Variants in SLC9A8 observed in about 807,000 individuals in gnomAD.
The protein encoded by SLC9A8 is sodium/hydrogen exchanger 8.
Under a neutral mutation model 66.6 loss-of-function variants are expected in SLC9A8, and 48 were observed. The ratio of observed to expected loss-of-function variants is 0.72; its 90% CI spans 0.57 to 0.92. SLC9A8 has a LOEUF of 0.92. SLC9A8 is among the 40% of genes least tolerant of loss of function. The pLI, the probability that SLC9A8 is intolerant of heterozygous loss-of-function variation, is 0.00. For synonymous variants in SLC9A8, 274 were observed against 282.6 expected (o/e 0.97, Z 0.31); for missense variants, 599 against 747.3 (o/e 0.80, Z 2.31).
chr20:49,823,055 C>T lies in SLC9A8; in HGVS notation c.209-6C>T, dbSNP rs2086799053. The T allele has an allele frequency of 1.9e-6, 3 of 1,586,036 alleles. No individual in the cohort carries two copies. Among genetic ancestry groups the T allele is most frequent in the African/African-American group, 2.7e-5 (2 of 73,556 alleles). ...TTAAAACATTGTATTATTTTTTTTTCCACAGCTATCTGCATCATATTGGTG... is the reference window on the plus strand; with the variant it reads ...TTAAAACATTGTATTATTTTTTTTTTCACAGCTATCTGCATCATATTGGTG... On this transcript the variant is annotated splice_polypyrimidine_tract_variant and splice_region_variant and intron_variant, in intron 2 of 15. Transcript: ENST00000361573.
chr20:49,819,802 G>A (rs1045746805), intron 2 of SLC9A8, among the ~76,000 whole-genome samples: 4 of 151,958 alleles, frequency 2.6e-5, no homozygotes, highest in Non-Finnish European at 4.4e-5. Flanking sequence ...TATAATACGT[G>A]GCCTTTTGTG....
At chr20:49,832,676 G>GGAA (rs2087256058) in intron 3 of SLC9A8, among the ~76,000 whole-genome samples, 4 of 152,108 alleles carry the variant, frequency 2.6e-5, no homozygotes, top group Admixed American at 1.3e-4. Flanking sequence ...GGGAGGGCAG[G>GGAA]GAAGATGCCT....
intron 14 of SLC9A8, among the ~76,000 whole-genome samples, chr20:49,884,885 T>A (rs991423690): frequency 6.6e-6 from 1 of 152,216 alleles, no homozygotes; most frequent in African/African-American, 2.4e-5. Context: ...TGCTGTAGGC[T>A]CCAGCCCAGA....
chr20:49,883,359 T>A (rs959285123), intron 13 of SLC9A8, among the ~76,000 whole-genome samples: 2 of 152,048 alleles, frequency 1.3e-5, no homozygotes, highest in African/African-American at 4.8e-5. Flanking sequence ...GTTGTGGGTA[T>A]TAGTTGAGTG....
chr20:49,886,929 G>A lies in SLC9A8; in HGVS notation c.1638+31G>A, dbSNP rs772983533. The A allele has an allele frequency of 6.3e-7, 1 of 1,598,138 alleles. No homozygotes were observed. On this transcript the variant is annotated intron_variant, in intron 15 of 15. Coordinates refer to ENST00000361573, the MANE Select transcript of SLC9A8 (RefSeq NM_015266.3). The surrounding 1 kb of genome is among the most constrained non-coding windows in gnomAD (Gnocchi z 4.8). ...ATACCGGCCAGGCCACACTTTCTGG[G>A]GGTCCCTTGCCTGCCTCCTTCAGGA...
chr20:49,849,070 T>C (rs948541266), intron 5 of SLC9A8, among the ~76,000 whole-genome samples: 11 of 152,134 alleles, frequency 7.2e-5, no homozygotes, highest in African/African-American at 2.4e-4. Context: ...TGAAATGTCC[T>C]GAGATCTTGG....
chr20:49,842,190 C>T (rs2087797336), intron 4 of SLC9A8, among the ~76,000 whole-genome samples: 1 of 151,876 alleles, frequency 6.6e-6, no homozygotes, highest in Non-Finnish European at 1.5e-5. Flanking sequence ...CTGCCTCAAC[C>T]TCCTGAGTAG....
In SLC9A8 at chr20:49,839,567, A is replaced by C. The variant is rs776542653; in HGVS notation, c.316A>C (p.Ile106Leu). ...LGILMGAVIK[I>L]IEFKKLANWK... ...TATTCTCATGGGAGCAGTTATAAAA[A>C]TTATAGAGTTTAAAAAACTGGCGAA... Residue 106 changes from isoleucine (I) to leucine (L), a missense_variant, in exon 4 of 16, where the codon ATT becomes CTT. Coordinates refer to ENST00000361573, the MANE Select transcript of SLC9A8 (RefSeq NM_015266.3). 5.6e-6 allele frequency: 9 copies of C among 1,600,434 alleles called. No homozygotes were observed. In the Admixed American group the frequency reaches 8.4e-5, roughly 15 times the overall value.
chr20:49,884,227 C>CACACACGCGCG, intron 14 of SLC9A8, 161 bp downstream of exon 14: 1 of 209,210 alleles, frequency 4.8e-6, no homozygotes, highest in South Asian at 4.1e-5. Context: ...CACACACACA[C>CACACACGCGCG]ACACACACAC....
rs754441979 is a variant in SLC9A8, at chr20:49,883,933, T to C, written c.1358T>C (p.Ile453Thr). Residue 453 changes from isoleucine to threonine, a missense_variant, in exon 14 of 16, where the codon ATC becomes ACC. Physicochemically the swap from Ile to Thr is moderately conservative, Grantham distance 89. This residue lies in a region of SLC9A8 where 467 missense variants were observed against 626.5 expected (regional missense o/e 0.75). Transcript: ENST00000361573. ...CGGCAGCTCATCGGCACCACCACCA[T>C]CGTCATCGTGCTCTTCACCATCCTG... is the stretch of plus-strand genomic sequence containing the variant. ...EKRQLIGTTT[I>T]VIVLFTILLL... is the part of the protein sequence containing the mutation. 6.2e-7 allele frequency: 1 copy of C among 1,612,454 alleles called. No homozygotes were observed. The highest frequency in any genetic ancestry group is 2.2e-5 in the East Asian group (1 of 44,846).
intron 4 of SLC9A8, among the ~76,000 whole-genome samples, chr20:49,840,236 C>T (rs1374022252): frequency 6.6e-6 from 1 of 152,022 alleles, no homozygotes; most frequent in African/African-American, 2.4e-5. Context: ...ATATATATAC[C>T]CTTGTGTTAA....
chr20:49,837,206 C>T (rs2087571898), intron 3 of SLC9A8, among the ~76,000 whole-genome samples: 1 of 152,190 alleles, frequency 6.6e-6, no homozygotes, highest in Non-Finnish European at 1.5e-5. Flanking sequence ...CCCACCTTTC[C>T]AGACCAAACC....
intron 10 of SLC9A8, among the ~76,000 whole-genome samples, chr20:49,865,547 A>G (rs1032350623): frequency 6.6e-6 from 1 of 152,076 alleles, no homozygotes; most frequent in African/African-American, 2.4e-5. Context: ...ACCCCATTGG[A>G]GGAGGGCACA....
rs1347157270 is a variant in SLC9A8, at chr20:49,884,282, C to CGAG, written c.1491+216_1491+217insGAG. 1.7e-4 allele frequency: 50 copies of CGAG among 302,564 alleles called. 1 individual carries two copies. The highest frequency in any genetic ancestry group is 2.4e-4 in the Non-Finnish European group (39 of 165,326). 18.7% of individuals were successfully genotyped at this position (302,564 alleles called of 1,614,324 possible). ...ACGACACACACACACACGACACACA[C>CGAG]ACACACGACACACACACACACACAC... is the stretch of plus-strand genomic sequence containing the variant. On this transcript the variant is annotated intron_variant, in intron 14 of 15. Coordinates refer to ENST00000361573, the MANE Select transcript of SLC9A8 (RefSeq NM_015266.3).
At chr20:49,854,974 G>T (rs2088410332) in intron 7 of SLC9A8, among the ~76,000 whole-genome samples, 1 of 152,230 alleles carries the variant, frequency 6.6e-6, no homozygotes, top group Non-Finnish European at 1.5e-5. Context: ...GCACACTGGG[G>T]TTGCTGCTGC....
At chr20:49,875,961 G>A (rs1389947663) in intron 11 of SLC9A8, among the ~76,000 whole-genome samples, 3 of 152,078 alleles carry the variant, frequency 2.0e-5, no homozygotes, top group Non-Finnish European at 4.4e-5. Context: ...GGATGGTCTC[G>A]ATCTCCTGAC....
chr20:49,838,083 C>T (rs1232883361), intron 3 of SLC9A8, among the ~76,000 whole-genome samples: 16 of 151,712 alleles, frequency 1.1e-4, no homozygotes, highest in East Asian at 1.9e-4. Flanking sequence ...AACACTCACA[C>T]CCTGGTACTG....
At chr20:49,843,821 G>A (rs1401468728) in intron 4 of SLC9A8, among the ~76,000 whole-genome samples, 1 of 152,164 alleles carries the variant, frequency 6.6e-6, no homozygotes, top group East Asian at 1.9e-4. Context: ...TCCAGTGTTG[G>A]AAGTGTTTGG....
At chr20:49,830,764 G>T (rs1371710006) in intron 3 of SLC9A8, 3 of 792,398 alleles carry the variant, frequency 3.8e-6, no homozygotes. Context: ...GTCCAAGGGA[G>T]CTTCATAGCC....
Sources: gnomAD v4.1 joint callset for allele counts (sites outside exome capture counted in the v4.1 genomes callset) on GRCh38, gnomAD v4.1.1 for gene constraint, gnomAD v4.1.1 regional missense constraint, Gnocchi (gnomAD v3.1) non-coding constraint, MANE v1.5 for transcripts, NCBI Gene and HGNC (gene_info 2026-07-23, HGNC 2026-07-21) for gene names.